The following AGBL1 variants were observed in gnomAD, a reference collection of about 807,000 sequenced individuals.
The protein encoded by AGBL1 is AGBL carboxypeptidase 1, also known as cytosolic carboxypeptidase 4.
AGBL1 carries 130 observed loss-of-function variants against 118.9 expected under a neutral mutation model. The ratio of observed to expected loss-of-function variants is 1.09; its 90% confidence interval spans 0.95 to 1.26. AGBL1 has a LOEUF of 1.26. Among genes scored for constraint, AGBL1 ranks in the 50% most tolerant of loss-of-function variants. The pLI is 0.00. For synonymous variants in AGBL1, 555 were observed against 478.9 expected (o/e 1.16, Z -2.08); for missense variants, 1,584 against 1,298.1 (o/e 1.22, Z -3.38).
At chr15:86,423,635 A>C (rs1596096821) in intron 18 of AGBL1, among the ~76,000 whole-genome samples, 3 of 152,202 alleles carry the variant, frequency 2.0e-5, no homozygotes, top group South Asian at 4.1e-4. Context: ...TATATAGAAA[A>C]CCCATTGTCG....
chr15:86,979,321 ATAAC>A (rs1476223869), intron 23 of AGBL1, among the ~76,000 whole-genome samples: 1 of 152,218 alleles, frequency 6.6e-6, no homozygotes, highest in Non-Finnish European at 1.5e-5. Flanking sequence ...TTCAAATAAA[ATAAC>A]TATCCACAAT....
chr15:86,697,384 T>C (rs2086280843), intron 22 of AGBL1, among the ~76,000 whole-genome samples: 1 of 151,892 alleles, frequency 6.6e-6, no homozygotes, highest in African/African-American at 2.4e-5. Flanking sequence ...TTCGATTCTA[T>C]TGCTGAGACT....
chr15:86,429,000 G>T (rs1421191237), intron 18 of AGBL1, among the ~76,000 whole-genome samples: 1 of 152,180 alleles, frequency 6.6e-6, no homozygotes, highest in Non-Finnish European at 1.5e-5. Flanking sequence ...TGAGAAATAG[G>T]ATAGACACAG....
downstream of AGBL1, among the ~76,000 whole-genome samples, chr15:86,916,889 G>A (rs990443181): frequency 6.6e-6 from 1 of 152,162 alleles, no homozygotes; most frequent in African/African-American, 2.4e-5. Context: ...TCTATTCAGA[G>A]CACAGAGCAG....
intron 1 of AGBL1, among the ~76,000 whole-genome samples, chr15:86,105,791 C>G (rs1897021165): frequency 6.6e-6 from 1 of 152,186 alleles, no homozygotes; most frequent in African/African-American, 2.4e-5. Flanking sequence ...AATCACAGTT[C>G]TTTTTGTAAC....
At chr15:86,449,956 T>A (rs902625402) in intron 18 of AGBL1, among the ~76,000 whole-genome samples, 5 of 146,724 alleles carry the variant, frequency 3.4e-5, no homozygotes, top group African/African-American at 1.0e-4. Context: ...TAAAAAAAAA[T>A]TAACAGTAAA....
In AGBL1 at chr15:86,970,686, A is replaced by T. The variant is rs181567422; in HGVS notation, c.3222-17301A>T. On this transcript the variant is annotated intron_variant, in intron 23 of 24. Transcript: ENST00000441037. ...TCTCTTTATCCTAGCAAGGGAAAAC[A>T]TTACAAAGCAATTTACAAAATTCAG... 1.0e-3 allele frequency among the ~76,000 whole-genome samples: 154 copies of T among 152,124 alleles called. 1 individual carries two copies. The highest frequency in any genetic ancestry group is 2.9e-3 in the African/African-American group (120 of 41,542).
intron 5 of AGBL1, among the ~76,000 whole-genome samples, chr15:86,198,275 A>T (rs1282050937): frequency 6.6e-6 from 1 of 152,164 alleles, no homozygotes; most frequent in Non-Finnish European, 1.5e-5. Context: ...TTCTGGTCTC[A>T]TGAGCTCACA....
At chr15:86,778,443 C>T (rs56880151) in intron 22 of AGBL1, among the ~76,000 whole-genome samples, 4,547 of 152,194 alleles carry the variant, frequency 0.03, 244 homozygotes, top group African/African-American at 0.1. Context: ...TATTTCATCC[C>T]TACAGCTTCG....
chr15:86,400,828 A>C, intron 18 of AGBL1, among the ~76,000 whole-genome samples: 1 of 151,448 alleles, frequency 6.6e-6, no homozygotes, highest in Non-Finnish European at 1.5e-5. Context: ...ATATATATGT[A>C]TTTCTATATA....
chr15:86,544,963 C>A (rs1417918678), intron 19 of AGBL1, among the ~76,000 whole-genome samples: 1 of 152,148 alleles, frequency 6.6e-6, no homozygotes, highest in South Asian at 2.1e-4. Context: ...TGCATCACTG[C>A]CCTTGTCATA....
chr15:86,124,072 A>G (rs1464610846), intron 1 of AGBL1, among the ~76,000 whole-genome samples: 6 of 152,100 alleles, frequency 3.9e-5, no homozygotes, highest in Admixed American at 1.3e-4. Flanking sequence ...GCTCACACTT[A>G]GAATCCTAGC....
chr15:86,240,346 T>C (rs960472064), intron 6 of AGBL1, among the ~76,000 whole-genome samples: 7 of 152,228 alleles, frequency 4.6e-5, no homozygotes, highest in Non-Finnish European at 8.8e-5. Context: ...GACTACTTTA[T>C]CCAGAAACAT....
chr15:86,291,213 A>C (rs1163077417), intron 16 of AGBL1, among the ~76,000 whole-genome samples: 1 of 152,192 alleles, frequency 6.6e-6, no homozygotes, highest in Non-Finnish European at 1.5e-5. Flanking sequence ...CATGAGCAAA[A>C]ACTTGGTTGG....
At chr15:86,556,292 G>A in intron 21 of AGBL1, 1 of 1,609,322 alleles carries the variant, frequency 6.2e-7, no homozygotes, top group Non-Finnish European at 8.5e-7. Context: ...TCAGGTATTG[G>A]AGCAGCATTT....
In AGBL1 at chr15:86,079,888, C is replaced by G. The variant is rs886829243; in HGVS notation, c.-85C>G. 13 of 1,027,134 alleles carry G rather than the reference C, an allele frequency of 1.3e-5. No homozygotes were observed. The African/African-American group carries it at 2.0e-4, about 15-fold the overall frequency. The allele number at this position is 1,027,134 out of a possible 1,614,324, so 63.6% of individuals were successfully genotyped here. ...CTCCGGGCAGTCGTCTCCTGCGAGGCGGGCAGCGAGGTCAGCTTGGCAGCC... is the reference window on the plus strand; with the variant it reads ...CTCCGGGCAGTCGTCTCCTGCGAGGGGGGCAGCGAGGTCAGCTTGGCAGCC... On this transcript the variant is annotated 5_prime_UTR_variant, in exon 1 of 23. Coordinates refer to ENST00000614907, the MANE Select transcript of AGBL1 (RefSeq NM_001386094.1).
intron 18 of AGBL1, among the ~76,000 whole-genome samples, chr15:86,476,392 C>T (rs1010914933): frequency 6.6e-6 from 1 of 151,938 alleles, no homozygotes; most frequent in Non-Finnish European, 1.5e-5. Context: ...AAAGATCTAC[C>T]AAGAAAATGG....
intron 22 of AGBL1, among the ~76,000 whole-genome samples, chr15:86,760,222 G>A (rs898284350): frequency 9.9e-5 from 15 of 151,988 alleles, no homozygotes; most frequent in East Asian, 1.9e-4. Context: ...GAGAAGCAGG[G>A]GCAGACTACC....
At chr15:86,936,212 G>T (rs1171770781) in intron 23 of AGBL1, among the ~76,000 whole-genome samples, 1 of 151,934 alleles carries the variant, frequency 6.6e-6, no homozygotes, top group African/African-American at 2.4e-5. Flanking sequence ...CAAATGCATT[G>T]CCAAATTGTA....
Sources: gnomAD v4.1 joint callset for allele counts (sites outside exome capture counted in the v4.1 genomes callset) on GRCh38, gnomAD v4.1.1 for gene constraint, MANE v1.5 for transcripts, NCBI Gene and HGNC (gene_info 2026-07-23, HGNC 2026-07-21) for gene names.